Variants in SAMSN1 observed in about 807,000 individuals in gnomAD.
SAMSN1 encodes SAM domain-containing protein SAMSN-1.
SAMSN1 carries 31 observed loss-of-function variants against 42.0 expected under a neutral mutation model. The observed-to-expected ratio is 0.74, with a 90% CI of 0.55 to 1.00. SAMSN1 has a LOEUF of 1.00. SAMSN1 is among the 50% of genes least tolerant of loss of function. SAMSN1 has a pLI of 0.00. For missense variants in SAMSN1, 464 were observed against 439.4 expected (o/e 1.06, Z -0.50); for synonymous variants, 178 against 151.9 (o/e 1.17, Z -1.26).
chr21:14,528,920 C>G (rs1979057469), intron 1 of SAMSN1, among the ~76,000 whole-genome samples: 2 of 152,164 alleles, frequency 1.3e-5, no homozygotes, highest in East Asian at 1.9e-4. Context: ...TAGATAAACA[C>G]AATCCCCCTC....
At chr21:14,541,838 T>C (rs1980053241) in intron 1 of SAMSN1, among the ~76,000 whole-genome samples, 1 of 151,920 alleles carries the variant, frequency 6.6e-6, no homozygotes, top group Non-Finnish European at 1.5e-5. Flanking sequence ...ACAAAACATA[T>C]AAATACTAGC....
intron 3 of SAMSN1, 79 bp downstream of exon 3, chr21:14,516,813 C>T (rs1987938927): frequency 6.7e-6 from 8 of 1,190,956 alleles, no homozygotes; most frequent in Admixed American, 2.6e-5. Context: ...CATAAAGTAC[C>T]AAGCACTTCT....
chr21:14,503,085 T>C (rs561491946), intron 5 of SAMSN1, among the ~76,000 whole-genome samples: 2 of 152,160 alleles, frequency 1.3e-5, no homozygotes, highest in Non-Finnish European at 2.9e-5. Flanking sequence ...AGCAGGACTA[T>C]GAAAATGATG....
At chr21:14,583,475 C>CGG, upstream of SAMSN1, 1 of 549,032 alleles carries the variant, frequency 1.8e-6, no homozygotes, top group Admixed American at 3.3e-5. Flanking sequence ...TGCATAAATA[C>CGG]GGGGTAAAAT....
chr21:14,647,930 G>T (rs1240780652), intron 1 of SAMSN1, among the ~76,000 whole-genome samples: 14 of 151,146 alleles, frequency 9.3e-5, no homozygotes, highest in Non-Finnish European at 1.8e-4. Context: ...TGTCGTCTGC[G>T]AACAGGGACA....
At chr21:14,536,551 G>A (rs1600908528) in intron 1 of SAMSN1, among the ~76,000 whole-genome samples, 1 of 152,184 alleles carries the variant, frequency 6.6e-6, no homozygotes, top group South Asian at 2.1e-4. Context: ...CTTGATTACA[G>A]ATTCATATTC....
At position 14,503,523 on chromosome 21, in the gene SAMSN1, C is replaced by T. The variant is rs148912725; in HGVS notation, c.562-2788G>A. On this transcript the variant is annotated intron_variant, in intron 5 of 7. Transcript: ENST00000400566. The stretch of plus-strand genomic sequence containing the variant: ...CTACAGAAACTGTGAGCCAGCAATA[C>T]ATTTGTGTTGTTTGATGCCTCTGAG... Among the ~76,000 whole-genome samples the T allele has an allele frequency of 1.2e-3, 178 of 152,260 alleles. 1 individual carries two copies. In the East Asian group the frequency reaches 0.014, roughly 12 times the overall value.
intron 2 of SAMSN1, among the ~76,000 whole-genome samples, chr21:14,625,881 C>G (rs1277934218): frequency 1.3e-5 from 2 of 152,188 alleles, no homozygotes; most frequent in African/African-American, 2.4e-5. Context: ...TCAAACTATA[C>G]TACAAGGCTA....
At chr21:14,514,991 T>A (rs1390553416) in intron 3 of SAMSN1, among the ~76,000 whole-genome samples, 1 of 152,012 alleles carries the variant, frequency 6.6e-6, no homozygotes, top group Non-Finnish European at 1.5e-5. Flanking sequence ...CAGGAAGATG[T>A]TTCAAGGGAT....
At chr21:14,525,749 C>A (rs1179724813) in intron 1 of SAMSN1, among the ~76,000 whole-genome samples, 1 of 152,144 alleles carries the variant, frequency 6.6e-6, no homozygotes, top group Admixed American at 6.5e-5. Context: ...TTTTACTACT[C>A]TCTAATTTTA....
At chr21:14,615,048 T>C (rs945956093) in intron 3 of SAMSN1, among the ~76,000 whole-genome samples, 6 of 152,140 alleles carry the variant, frequency 3.9e-5, no homozygotes, top group Admixed American at 2.0e-4. Context: ...TTTAAGTACG[T>C]TCCTTGGAAT....
At chr21:14,539,388 A>T (rs1979850353) in intron 1 of SAMSN1, among the ~76,000 whole-genome samples, 1 of 152,196 alleles carries the variant, frequency 6.6e-6, no homozygotes, top group South Asian at 2.1e-4. Context: ...GTATATCTAG[A>T]AAACCCCATT....
intron 2 of SAMSN1, chr21:14,619,601 C>A: frequency 4.1e-6 from 1 of 244,556 alleles, no homozygotes; most frequent in Non-Finnish European, 9.2e-6. Flanking sequence ...TGAACATCTA[C>A]TATGTACCAG....
In SAMSN1 at chr21:14,631,364, G is replaced by A. The variant is rs192233461; in HGVS notation, c.156+11638C>T. On this transcript the variant is annotated intron_variant, in intron 2 of 15. Coordinates refer to the SAMSN1 transcript ENST00000647101. ...CTCATTTTATAGGAGAAGAAACAAGGGCTTAAAGAGTTTAAAGAACTTGTC... is the reference window on the plus strand; with the variant it reads ...CTCATTTTATAGGAGAAGAAACAAGAGCTTAAAGAGTTTAAAGAACTTGTC... 7.2e-5 allele frequency among the ~76,000 whole-genome samples: 11 copies of A among 152,196 alleles called. No homozygotes were observed. In the East Asian group the frequency reaches 1.7e-3, roughly 24 times the overall value.
intron 2 of SAMSN1, among the ~76,000 whole-genome samples, chr21:14,634,126 T>C (rs1189711077): frequency 6.6e-6 from 1 of 151,936 alleles, no homozygotes; most frequent in Non-Finnish European, 1.5e-5. Flanking sequence ...AAACTGAAAC[T>C]GGACCCCTTC....
intron 1 of SAMSN1, among the ~76,000 whole-genome samples, chr21:14,539,286 T>G (rs577286531): frequency 2.0e-5 from 3 of 152,350 alleles, no homozygotes; most frequent in African/African-American, 7.2e-5. Context: ...TTGGAAGTTC[T>G]GGCCAGCGCA....
At chr21:14,538,534 C>A (rs1215308742) in intron 1 of SAMSN1, among the ~76,000 whole-genome samples, 2 of 152,168 alleles carry the variant, frequency 1.3e-5, no homozygotes. Context: ...CTCAAGTAAG[C>A]ACCAGTGCAT....
Position 14,567,595 on chromosome 21 carries a change from C to T in SAMSN1, c.261+14541G>A, listed in dbSNP as rs1162517144. On this transcript the variant is annotated intron_variant, in intron 2 of 8. Transcript: ENST00000285670. Reference sequence around the variant, plus strand: ...TTATCCACTGCACCCATTAGAGGCTCTGTACACTCTTCCAGCTGATCATAA... The same window carrying T: ...TTATCCACTGCACCCATTAGAGGCTTTGTACACTCTTCCAGCTGATCATAA... 2.0e-5 allele frequency among the ~76,000 whole-genome samples: 3 copies of T among 152,134 alleles called. No homozygotes were observed. The East Asian group carries it at 5.8e-4, about 29-fold the overall frequency.
At chr21:14,566,453 C>T (rs895769248) in intron 2 of SAMSN1, among the ~76,000 whole-genome samples, 18 of 152,032 alleles carry the variant, frequency 1.2e-4, no homozygotes, top group African/African-American at 3.9e-4. Context: ...CATATAATGC[C>T]ACTTAAAAAT....
Sources: gnomAD v4.1 joint callset for allele counts (sites outside exome capture counted in the v4.1 genomes callset) on GRCh38, gnomAD v4.1.1 for gene constraint, MANE v1.5 for transcripts, NCBI Gene and HGNC (gene_info 2026-07-23, HGNC 2026-07-21) for gene names.